The following PHF24 variants were observed in gnomAD, a reference collection of about 807,000 sequenced individuals.
PHF24 encodes the protein PHD finger protein 24.
Under a neutral mutation model 42.6 loss-of-function variants are expected in PHF24, and 25 were observed. The ratio of observed to expected loss-of-function variants is 0.59; its 90% confidence interval spans 0.43 to 0.82. The LOEUF is 0.82. Ranked by LOEUF, PHF24 falls within the 40% of genes least tolerant of loss-of-function variation. The probability of loss-of-function intolerance (pLI) is 0.00; values close to 1 mark genes in which losing one functional copy is unlikely to be tolerated. For synonymous variants in PHF24, 185 were observed against 204.8 expected, an observed-to-expected ratio of 0.90 and a Z score of 0.83; for missense variants, 470 against 538.1, an observed-to-expected ratio of 0.87 and a Z score of 1.25.
chr9:34,848,292 T>C, the PHF24 span, among the ~76,000 whole-genome samples: 1 of 151,924 alleles, frequency 6.6e-6, no homozygotes, highest in Non-Finnish European at 1.5e-5. Context: ...GTTATTGGTC[T>C]ATTCAGAGAG....
chr9:34,847,828 C>T, the PHF24 span, among the ~76,000 whole-genome samples: 3 of 152,166 alleles, frequency 2.0e-5, no homozygotes, highest in East Asian at 1.9e-4. Flanking sequence ...TGAATTTTGT[C>T]AAAGACCTTT....
chr9:34,838,553 G>C, the PHF24 span: 2 of 1,125,384 alleles, frequency 1.8e-6, no homozygotes, highest in Non-Finnish European at 2.6e-6. Flanking sequence ...CAGGGTTCTG[G>C]TGCCTAATGA....
At chr9:34,695,723 G>T in the PHF24 span, among the ~76,000 whole-genome samples, 1 of 152,162 alleles carries the variant, frequency 6.6e-6, no homozygotes, top group Non-Finnish European at 1.5e-5. Context: ...TCTTGGTGGG[G>T]AGAAATCCCC....
At chr9:34,837,982 CAA>C in the PHF24 span, among the ~76,000 whole-genome samples, 15 of 152,130 alleles carry the variant, frequency 9.9e-5, no homozygotes, top group Admixed American at 8.5e-4. Context: ...TAGTACAGAT[CAA>C]AGAGTATGTG....
the PHF24 span, among the ~76,000 whole-genome samples, chr9:34,678,614 C>T: frequency 1.3e-5 from 2 of 152,012 alleles, no homozygotes; most frequent in Non-Finnish European, 2.9e-5. Context: ...GGATTAAGAG[C>T]CACCATGCCT....
exon 2 of PHF24, chr9:34,971,612 T>A (rs1826989804): frequency 6.2e-7 from 1 of 1,613,772 alleles, no homozygotes; most frequent in Non-Finnish European, 8.5e-7. Context: ...CCTGCGTTCA[T>A]CCGCCCCACC....
the PHF24 span, among the ~76,000 whole-genome samples, chr9:34,924,530 G>T: frequency 1.3e-5 from 2 of 152,050 alleles, no homozygotes; most frequent in East Asian, 3.9e-4. Context: ...TAATATGACC[G>T]TTTGTGTTTC....
At chr9:34,746,229 G>A in the PHF24 span, among the ~76,000 whole-genome samples, 1 of 152,182 alleles carries the variant, frequency 6.6e-6, no homozygotes, top group Non-Finnish European at 1.5e-5. Flanking sequence ...AAATAGATAA[G>A]CTGTCACAGG....
At chr9:34,943,751 C>A in the PHF24 span, among the ~76,000 whole-genome samples, 4 of 152,206 alleles carry the variant, frequency 2.6e-5, no homozygotes, top group African/African-American at 9.7e-5. Flanking sequence ...CTCCCTCAAG[C>A]TGAAGCTCCT....
At chr9:34,950,633 CTG>C in the PHF24 span, among the ~76,000 whole-genome samples, 1 of 152,004 alleles carries the variant, frequency 6.6e-6, no homozygotes, top group Admixed American at 6.5e-5. Flanking sequence ...TTGCACAACA[CTG>C]TGAATGTATT....
At chr9:34,693,603 A>G in the PHF24 span, among the ~76,000 whole-genome samples, 1 of 152,214 alleles carries the variant, frequency 6.6e-6, no homozygotes, top group African/African-American at 2.4e-5. Flanking sequence ...CTAAAGTTTG[A>G]GATCCAAACG....
chr9:34,753,431 C>T, the PHF24 span, among the ~76,000 whole-genome samples: 534 of 151,922 alleles, frequency 3.5e-3, 3 homozygotes, highest in African/African-American at 0.012. Flanking sequence ...TAGGAATTAA[C>T]CAGACAAGTG....
At chr9:34,858,798 G>A in the PHF24 span, among the ~76,000 whole-genome samples, 448 of 152,288 alleles carry the variant, frequency 2.9e-3, 2 homozygotes, top group African/African-American at 9.3e-3. Flanking sequence ...GCTTTTTAAA[G>A]GATAGTTTCT....
the PHF24 span, among the ~76,000 whole-genome samples, chr9:34,887,258 C>T: frequency 6.6e-6 from 1 of 152,144 alleles, no homozygotes; most frequent in African/African-American, 2.4e-5. Context: ...ACTAATCTCC[C>T]TGCTTCTACT....
the PHF24 span, among the ~76,000 whole-genome samples, chr9:34,856,414 C>T: frequency 6.6e-6 from 1 of 152,188 alleles, no homozygotes; most frequent in Admixed American, 6.5e-5. Context: ...GGCTAATCTA[C>T]ATTCAGTCTT....
chr9:34,782,130 G>A, the PHF24 span, among the ~76,000 whole-genome samples: 1 of 152,150 alleles, frequency 6.6e-6, no homozygotes, highest in Non-Finnish European at 1.5e-5. Context: ...CAACTTGCAC[G>A]AGAGCTGGGT....
At chr9:34,673,690 C>T in the PHF24 span, among the ~76,000 whole-genome samples, 3 of 149,774 alleles carry the variant, frequency 2.0e-5, no homozygotes, top group Non-Finnish European at 4.4e-5. Flanking sequence ...GGTGTGATCT[C>T]GGCTCACTTC....
the PHF24 span, among the ~76,000 whole-genome samples, chr9:34,743,469 A>G: frequency 2.0e-5 from 3 of 152,258 alleles, no homozygotes; most frequent in Non-Finnish European, 2.9e-5. Flanking sequence ...AGATAACTGC[A>G]GAAAGGACTA....
At chr9:34,860,825 T>A in the PHF24 span, among the ~76,000 whole-genome samples, 3 of 152,054 alleles carry the variant, frequency 2.0e-5, no homozygotes, top group Admixed American at 6.6e-5. Flanking sequence ...ACATTAGCCC[T>A]CCTGTTGTAA....
Sources: gnomAD v4.1 joint callset for allele counts (sites outside exome capture counted in the v4.1 genomes callset) on GRCh38, gnomAD v4.1.1 for gene constraint, MANE v1.5 for transcripts, NCBI Gene and HGNC (gene_info 2026-07-23, HGNC 2026-07-21) for gene names.